Variants in PTPRD observed in about 807,000 individuals in gnomAD.
The protein encoded by PTPRD is receptor-type tyrosine-protein phosphatase delta.
PTPRD carries 34 observed loss-of-function variants against 214.5 expected under a neutral mutation model. The observed-to-expected ratio is 0.16, with a 90% confidence interval of 0.12 to 0.21. The LOEUF is 0.21. Among genes scored for constraint, PTPRD ranks in the 10% least tolerant of loss-of-function variants. PTPRD has a pLI of 1.00. For synonymous variants in PTPRD, 1,128 were observed against 845.7 expected, an observed-to-expected ratio of 1.33 and a Z score of -5.79; for missense variants, 2,545 against 2,398.7, an observed-to-expected ratio of 1.06 and a Z score of -1.27.
chr9:9,344,460 G>A (rs1010509005), intron 9 of PTPRD, among the ~76,000 whole-genome samples: 32 of 151,734 alleles, frequency 2.1e-4, no homozygotes, highest in Non-Finnish European at 4.0e-4. Flanking sequence ...AAAACTACAT[G>A]TTCAGCACAT....
At chr9:8,506,639 T>A (rs2137433431) in intron 22 of PTPRD, among the ~76,000 whole-genome samples, 1 of 152,196 alleles carries the variant, frequency 6.6e-6, no homozygotes, top group South Asian at 2.1e-4. Context: ...GCTCCAGTGC[T>A]ACTATAAAAA....
At chr9:9,937,426 TAAA>T (rs35495271) in intron 5 of PTPRD, among the ~76,000 whole-genome samples, 1 of 144,648 alleles carries the variant, frequency 6.9e-6, no homozygotes, top group South Asian at 2.1e-4. Flanking sequence ...CATAGATAAA[TAAA>T]AAAAAAAAAT....
At chr9:8,794,175 G>A (rs1226683665) in intron 11 of PTPRD, among the ~76,000 whole-genome samples, 2 of 152,236 alleles carry the variant, frequency 1.3e-5, no homozygotes, top group Admixed American at 1.3e-4. Context: ...AGGCAAGTAT[G>A]AATGCAAAAA....
At chr9:9,683,325 A>T (rs1459322445) in intron 7 of PTPRD, among the ~76,000 whole-genome samples, 1 of 151,770 alleles carries the variant, frequency 6.6e-6, no homozygotes, top group African/African-American at 2.4e-5. Context: ...TTGGAAGCCT[A>T]CATAGGGAGT....
Position 8,939,206 on chromosome 9 carries a change from C to T in PTPRD, c.-104+79491G>A, listed in dbSNP as rs764468341. 6.6e-5 allele frequency among the ~76,000 whole-genome samples: 10 copies of T among 152,040 alleles called. 1 individual carries two copies. Among genetic ancestry groups the T allele is most frequent in the South Asian group, 4.1e-4 (2 of 4,820 alleles). On this transcript the variant is annotated intron_variant, in intron 11 of 45. Coordinates refer to ENST00000381196, the MANE Select transcript of PTPRD (RefSeq NM_002839.4). ...TATTGCCACTGAAACTCTTTCTCAC[C>T]CCCTTAGAATGGAGATACTTTCCAT...
At chr9:9,969,976 A>T (rs2094974865) in intron 4 of PTPRD, among the ~76,000 whole-genome samples, 1 of 152,116 alleles carries the variant, frequency 6.6e-6, no homozygotes, top group African/African-American at 2.4e-5. Context: ...TTTATGATTC[A>T]AGATGCATCT....
At chr9:8,509,621 T>C (rs936765701) in intron 21 of PTPRD, among the ~76,000 whole-genome samples, 6 of 152,252 alleles carry the variant, frequency 3.9e-5, no homozygotes, top group African/African-American at 2.4e-5. Flanking sequence ...TTGACATTGA[T>C]TGAAAACATC....
intron 10 of PTPRD, among the ~76,000 whole-genome samples, chr9:9,050,088 C>T (rs908356649): frequency 6.6e-6 from 1 of 152,186 alleles, no homozygotes; most frequent in African/African-American, 2.4e-5. Context: ...CAATTTATTG[C>T]CCATGCAATT....
At chr9:10,084,693 C>T (rs2098300281) in intron 3 of PTPRD, among the ~76,000 whole-genome samples, 1 of 151,866 alleles carries the variant, frequency 6.6e-6, no homozygotes, top group Admixed American at 6.6e-5. Flanking sequence ...ACAAGACACA[C>T]AACTTCGCAA....
intron 5 of PTPRD, among the ~76,000 whole-genome samples, chr9:9,843,182 A>T (rs1389699902): frequency 3.9e-5 from 6 of 152,122 alleles, no homozygotes; most frequent in Non-Finnish European, 8.8e-5. Flanking sequence ...AGGCATTTAC[A>T]GAAAAAGTCT....
intron 6 of PTPRD, among the ~76,000 whole-genome samples, chr9:9,762,312 G>C (rs935991825): frequency 6.6e-6 from 1 of 152,212 alleles, no homozygotes; most frequent in African/African-American, 2.4e-5. Context: ...CAGGATTTCA[G>C]CTGGTATAAT....
chr9:9,185,969 C>T (rs1199943923), intron 9 of PTPRD, among the ~76,000 whole-genome samples: 1 of 151,070 alleles, frequency 6.6e-6, no homozygotes, highest in African/African-American at 2.4e-5. Context: ...GAGGAGACAA[C>T]AAAAACTATT....
chr9:8,674,200 C>G (rs1220418641), intron 12 of PTPRD, among the ~76,000 whole-genome samples: 1 of 152,102 alleles, frequency 6.6e-6, no homozygotes, highest in Non-Finnish European at 1.5e-5. Flanking sequence ...TGGCTCATGC[C>G]TGTAATCCCG....
intron 2 of PTPRD, among the ~76,000 whole-genome samples, chr9:10,389,783 A>G (rs1232943690): frequency 1.3e-4 from 19 of 151,858 alleles, no homozygotes; most frequent in Non-Finnish European, 2.9e-5. Flanking sequence ...ACATGCTTTC[A>G]TATTAGTTCG....
rs190227784 is a variant in PTPRD at position 10,043,056 on chromosome 9, A to G, written c.-544-9266T>C. Among the ~76,000 whole-genome samples, 4 of 151,796 alleles carry G rather than the reference A, an allele frequency of 2.6e-5. No individual in the cohort carries two copies. The East Asian group carries it at 7.8e-4, about 30-fold the overall frequency. On this transcript the variant is annotated intron_variant, in intron 3 of 45. Transcript: ENST00000381196. ...GTAGTCATTCATTGGATATTTCTGA[A>G]TTAAATTTCTCATCTACACAAACAG... is the stretch of plus-strand genomic sequence containing the variant.
chr9:8,665,412 CAG>C (rs1392224914), intron 12 of PTPRD, among the ~76,000 whole-genome samples: 1 of 152,154 alleles, frequency 6.6e-6, no homozygotes, highest in Non-Finnish European at 1.5e-5. Context: ...TACTTCAAAA[CAG>C]AGAAAAGAAT....
chr9:8,502,426 T>G (rs2097430278), intron 23 of PTPRD, among the ~76,000 whole-genome samples: 1 of 152,110 alleles, frequency 6.6e-6, no homozygotes, highest in African/African-American at 2.4e-5. Context: ...TTCAGGGGAT[T>G]ATCAGTCTTT....
At position 10,233,095 on chromosome 9, in the gene PTPRD, T is replaced by C. The variant is rs148503399; in HGVS notation, c.-545+107868A>G. 2.4e-3 allele frequency among the ~76,000 whole-genome samples: 372 copies of C among 152,150 alleles called. 10 individuals are homozygous for C. In the East Asian group the frequency reaches 0.058, roughly 24 times the overall value. On this transcript the variant is annotated intron_variant, in intron 3 of 45. Coordinates refer to ENST00000381196, the MANE Select transcript of PTPRD (RefSeq NM_002839.4). ...TGAAATTTGTTGATGGTGTTGTGTA[T>C]TAAATTACTGAAACCTTTCAGAATT...
intron 3 of PTPRD, among the ~76,000 whole-genome samples, chr9:10,077,839 T>G (rs1298497992): frequency 6.6e-6 from 1 of 152,122 alleles, no homozygotes; most frequent in African/African-American, 2.4e-5. Context: ...TCTTTTTTTT[T>G]TTTTAAAAGG....
Sources: gnomAD v4.1 joint callset for allele counts (sites outside exome capture counted in the v4.1 genomes callset) on GRCh38, gnomAD v4.1.1 for gene constraint, MANE v1.5 for transcripts, NCBI Gene and HGNC (gene_info 2026-07-23, HGNC 2026-07-21) for gene names.